The following NBAS variants were observed in gnomAD, a reference collection of about 807,000 sequenced individuals.
NBAS encodes the protein NBAS subunit of NRZ tethering complex, also known as NAG/BC035112 fusion.
In NBAS, 219 loss-of-function variants were observed where a neutral mutation model predicts 302.5. That is an observed-to-expected ratio of 0.72 (90% CI 0.65 to 0.81). The LOEUF is 0.81. Ranked by LOEUF, NBAS falls within the 30% of genes least tolerant of loss-of-function variation. The pLI is 0.00. For synonymous variants in NBAS, 1,118 were observed against 1,021.6 expected (o/e 1.09, Z -1.80); for missense variants, 2,932 against 2,841.6 (o/e 1.03, Z -0.72).
At position 15,322,297 on chromosome 2, in the gene NBAS, T is replaced by C. The variant is rs540513341; in HGVS notation, c.4582+5453A>G. Among the ~76,000 whole-genome samples, 3 of 151,980 alleles carry C rather than the reference T, an allele frequency of 2.0e-5. No homozygotes were observed. The East Asian group carries it at 5.8e-4, about 29-fold the overall frequency. On this transcript the variant is annotated intron_variant, in intron 38 of 51. Coordinates refer to ENST00000281513, the MANE Select transcript of NBAS (RefSeq NM_015909.4). Reference sequence around the variant, plus strand: ...AGAAATAACTAATGTAAATGACGAGTTGATGGGTGCAGCAAAGCAACATGG... The same window carrying C: ...AGAAATAACTAATGTAAATGACGAGCTGATGGGTGCAGCAAAGCAACATGG...
chr2:15,135,033 C>A, the NBAS span, among the ~76,000 whole-genome samples: 6 of 152,158 alleles, frequency 3.9e-5, no homozygotes, highest in Non-Finnish European at 7.4e-5. Context: ...AAAGAAATTT[C>A]TTTCCAAGAG....
chr2:15,117,784 C>G, the NBAS span, among the ~76,000 whole-genome samples: 4 of 152,222 alleles, frequency 2.6e-5, no homozygotes, highest in African/African-American at 9.6e-5. Flanking sequence ...ACTGGGGACA[C>G]AGGCTGTGCC....
chr2:15,131,901 CTT>C, the NBAS span, among the ~76,000 whole-genome samples: 1 of 152,128 alleles, frequency 6.6e-6, no homozygotes, highest in East Asian at 1.9e-4. Context: ...GTGCCACACA[CTT>C]TTAAATTACC....
chr2:15,323,801 C>T (rs1671933483), intron 38 of NBAS, among the ~76,000 whole-genome samples: 1 of 151,660 alleles, frequency 6.6e-6, no homozygotes, highest in East Asian at 1.9e-4. Context: ...CGCCACTGCA[C>T]TCCAGCCTGG....
intron 47 of NBAS, among the ~76,000 whole-genome samples, chr2:15,230,948 G>A (rs1667357980): frequency 6.6e-6 from 1 of 152,174 alleles, no homozygotes; most frequent in Non-Finnish European, 1.5e-5. Flanking sequence ...CAAACAGACT[G>A]TTCTTTCACT....
chr2:15,472,620 A>C (rs1422162048), intron 16 of NBAS, among the ~76,000 whole-genome samples: 3 of 151,802 alleles, frequency 2.0e-5, no homozygotes, highest in Non-Finnish European at 2.9e-5. Context: ...TATCCATCCC[A>C]TATCTCCCTG....
chr2:15,250,589 T>G (rs1668317930), intron 44 of NBAS, among the ~76,000 whole-genome samples: 1 of 152,142 alleles, frequency 6.6e-6, no homozygotes, highest in Non-Finnish European at 1.5e-5. Flanking sequence ...ATATCCAGAA[T>G]CTACAAAAAA....
chr2:15,466,719 C>T (rs1679738764), intron 19 of NBAS, among the ~76,000 whole-genome samples: 1 of 152,086 alleles, frequency 6.6e-6, no homozygotes, highest in African/African-American at 2.4e-5. Context: ...GGGTGGATTG[C>T]TTGAGTCTAG....
At chr2:14,899,943 G>C in the NBAS span, among the ~76,000 whole-genome samples, 2 of 152,132 alleles carry the variant, frequency 1.3e-5, no homozygotes, top group African/African-American at 2.4e-5. Context: ...AAGAAAGAGA[G>C]GGTTCATAGA....
intron 27 of NBAS, 72 bp downstream of exon 27, chr2:15,396,341 C>T (rs1675863043): frequency 1.6e-6 from 2 of 1,264,976 alleles, no homozygotes; most frequent in South Asian, 2.7e-5. Flanking sequence ...CACAGGCAGA[C>T]TTAATGTGAC....
At chr2:14,963,931 A>C in the NBAS span, among the ~76,000 whole-genome samples, 1 of 152,254 alleles carries the variant, frequency 6.6e-6, no homozygotes, top group African/African-American at 2.4e-5. Flanking sequence ...TGAAATACTC[A>C]GACGAGTCTT....
At chr2:14,910,543 A>T in the NBAS span, among the ~76,000 whole-genome samples, 2 of 152,280 alleles carry the variant, frequency 1.3e-5, no homozygotes, top group East Asian at 3.9e-4. Flanking sequence ...AGCTAAGGAG[A>T]CAAGAGGTAG....
chr2:14,989,261 A>G, the NBAS span, among the ~76,000 whole-genome samples: 1 of 149,692 alleles, frequency 6.7e-6, no homozygotes, highest in Non-Finnish European at 1.5e-5. Flanking sequence ...TTCCCACTAC[A>G]TATAGTATAC....
At chr2:15,169,682 T>C (rs1412839963) in intron 51 of NBAS, among the ~76,000 whole-genome samples, 2 of 152,198 alleles carry the variant, frequency 1.3e-5, no homozygotes, top group Non-Finnish European at 2.9e-5. Flanking sequence ...AGAACACAAG[T>C]TCCTATGGAG....
the NBAS span, among the ~76,000 whole-genome samples, chr2:14,984,344 T>C: frequency 6.6e-6 from 1 of 152,144 alleles, no homozygotes; most frequent in African/African-American, 2.4e-5. Context: ...GCCTTCAAGG[T>C]GAGACTTTTG....
At chr2:15,067,391 AGG>A in the NBAS span, among the ~76,000 whole-genome samples, 26 of 17,030 alleles carry the variant, frequency 1.5e-3, 1 homozygote, top group African/African-American at 3.9e-3. Context: ...AGAGGAGGGG[AGG>A]GGAGGGGAGG....
At chr2:15,379,915 A>C (rs1674950502) in intron 29 of NBAS, 84 bp from the exon 30 acceptor site, 1 of 1,320,060 alleles carries the variant, frequency 7.6e-7, no homozygotes, top group Non-Finnish European at 1.1e-6. Flanking sequence ...ATCCAAATGA[A>C]AGAAATTAAA....
chr2:14,953,183 T>C, the NBAS span, among the ~76,000 whole-genome samples: 1 of 152,134 alleles, frequency 6.6e-6, no homozygotes, highest in Admixed American at 6.6e-5. Flanking sequence ...CCACACTTCT[T>C]CTGCTAAACT....
At chr2:14,968,768 T>C in the NBAS span, among the ~76,000 whole-genome samples, 185 of 152,344 alleles carry the variant, frequency 1.2e-3, no homozygotes, top group African/African-American at 4.1e-3. Context: ...GTAAAGTTGC[T>C]TTGGAAACAG....
Sources: allele counts gnomAD v4.1 joint callset (sites outside exome capture counted in the v4.1 genomes callset), GRCh38; gene constraint gnomAD v4.1.1; transcripts MANE v1.5; gene names NCBI Gene and HGNC (gene_info 2026-07-23, HGNC 2026-07-21).